Variants in CDH10 observed in about 807,000 individuals in gnomAD.
The protein encoded by CDH10 is cadherin 10, also known as cadherin-10.
CDH10 carries 30 observed loss-of-function variants against 73.1 expected under a neutral mutation model. The observed-to-expected ratio is 0.41, with a 90% CI of 0.31 to 0.56. CDH10 has a LOEUF of 0.56. Ranked by LOEUF, CDH10 falls within the 20% of genes least tolerant of loss-of-function variation. The pLI is 0.27. For synonymous variants in CDH10, 345 were observed against 348.2 expected (o/e 0.99, Z 0.10); for missense variants, 815 against 973.7 (o/e 0.84, Z 2.17).
At chr5:24,620,957 C>T (rs1441618314) in intron 1 of CDH10, among the ~76,000 whole-genome samples, 3 of 152,178 alleles carry the variant, frequency 2.0e-5, no homozygotes, top group Non-Finnish European at 4.4e-5. Context: ...CAAGGTCTAA[C>T]TGCCAGCATA....
intron 5 of CDH10, among the ~76,000 whole-genome samples, chr5:24,518,964 C>A (rs1046980370): frequency 2.1e-5 from 3 of 140,518 alleles, no homozygotes; most frequent in African/African-American, 8.0e-5. Flanking sequence ...GATCTTGGCT[C>A]ACTGCAACCT....
intron 2 of CDH10, among the ~76,000 whole-genome samples, chr5:24,560,573 C>A (rs1426686620): frequency 6.6e-6 from 1 of 151,742 alleles, no homozygotes; most frequent in African/African-American, 2.4e-5. Flanking sequence ...ATATTTATTA[C>A]CTAATTTTGA....
In CDH10 at chr5:24,604,914, CAAAA is replaced by C. The variant is rs200670805; in HGVS notation, c.-123-11305_-123-11302del. Among the ~76,000 whole-genome samples, 403 of 134,524 alleles carry C rather than the reference CAAAA, an allele frequency of 3.0e-3. 3 individuals are homozygous for C. Among genetic ancestry groups the C allele is most frequent in the African/African-American group, 0.012 (374 of 31,486 alleles). The allele number at this position is 134,524 out of a possible 152,430, so 88.3% of individuals were successfully genotyped here. A position where few individuals can be genotyped will look rare whatever the true frequency, so the allele number is the denominator to read the frequency against. On this transcript the variant is annotated intron_variant, in intron 1 of 11. Transcript: ENST00000264463. ...AAAAAAACAAAAACAAACAAACAAA[CAAAA>C]GAAAGTCAAAAACTCTTAGAAAATA...
At chr5:24,537,279 A>C (rs1431247967) in intron 3 of CDH10, 101 bp downstream of exon 3, 1 of 789,070 alleles carries the variant, frequency 1.3e-6, no homozygotes, top group African/African-American at 1.8e-5. Flanking sequence ...CATGGTAGCA[A>C]ATCAAAGAGG....
intron 6 of CDH10, 122 bp downstream of exon 6, chr5:24,511,205 T>A (rs1298064340): frequency 1.4e-6 from 1 of 705,700 alleles, no homozygotes; most frequent in African/African-American, 1.8e-5. Context: ...ATGCACAGTA[T>A]AAATTACATT....
rs540358172 is a variant in CDH10, at chr5:24,515,537, T to C, written c.815-4023A>G. Among the ~76,000 whole-genome samples the C allele has an allele frequency of 1.1e-4, 16 of 152,336 alleles. No homozygotes were observed. The South Asian group carries it at 3.3e-3, about 32-fold the overall frequency. ...AAATGTTTCCGTTTACAATCACTTA[T>C]GTAAAGTTTAGTTTATTACAAACAC... On this transcript the variant is annotated intron_variant, in intron 5 of 11. Transcript: ENST00000264463.
intron 2 of CDH10, among the ~76,000 whole-genome samples, chr5:24,543,658 T>G (rs2111920605): frequency 6.6e-6 from 1 of 152,006 alleles, no homozygotes; most frequent in African/African-American, 2.4e-5. Context: ...AAATGGAAAA[T>G]AAAACACTGA....
chr5:24,636,321 C>T (rs1197860848), intron 1 of CDH10, among the ~76,000 whole-genome samples: 2 of 151,890 alleles, frequency 1.3e-5, no homozygotes, highest in African/African-American at 4.8e-5. Flanking sequence ...TCTGGTGCCA[C>T]GATCCATGCT....
At chr5:24,615,249 A>G (rs2112154476) in intron 1 of CDH10, among the ~76,000 whole-genome samples, 1 of 152,192 alleles carries the variant, frequency 6.6e-6, no homozygotes, top group South Asian at 2.1e-4. Flanking sequence ...TTGCATGGAA[A>G]TCTCTTCTGC....
intron 1 of CDH10, among the ~76,000 whole-genome samples, chr5:24,632,672 T>C (rs1390628728): frequency 6.6e-6 from 1 of 152,000 alleles, no homozygotes; most frequent in Admixed American, 6.6e-5. Flanking sequence ...TGGACAACCA[T>C]AGCTTTAACA....
intron 2 of CDH10, among the ~76,000 whole-genome samples, chr5:24,556,664 T>C (rs376950723): frequency 6.6e-6 from 1 of 151,776 alleles, no homozygotes; most frequent in African/African-American, 2.4e-5. Flanking sequence ...AAACTAACCA[T>C]TAAATAGTTA....
In CDH10 at chr5:24,554,119, G is replaced by GGAGAGAGAGAGAGAGA. The variant is rs71605680; in HGVS notation, c.232-16446_232-16445insTCTCTCTCTCTCTCTC. On this transcript the variant is annotated intron_variant, in intron 2 of 11. Coordinates refer to ENST00000264463, the MANE Select transcript of CDH10 (RefSeq NM_006727.5). Reference sequence around the variant, plus strand: ...AGAGAAGGGGAGGTGGGCGGGGGGGGGAGAGAGAGAGACATTCAATCAGCC... The same window carrying GGAGAGAGAGAGAGAGA: ...AGAGAAGGGGAGGTGGGCGGGGGGGGGAGAGAGAGAGAGAGAGAGAGAGAGAGACATTCAATCAGCC... 9 of 39,772 alleles carry GGAGAGAGAGAGAGAGA rather than the reference G, an allele frequency of 2.3e-4. 2 individuals are homozygous for GGAGAGAGAGAGAGAGA. Among genetic ancestry groups the GGAGAGAGAGAGAGAGA allele is most frequent in the East Asian group, 1.3e-3 (1 of 750 alleles). The allele number at this position is 39,772 out of a possible 1,614,324, so 2.5% of individuals were successfully genotyped here.
chr5:24,617,488 G>C (rs188390417), intron 1 of CDH10, among the ~76,000 whole-genome samples: 22 of 152,212 alleles, frequency 1.4e-4, no homozygotes, highest in East Asian at 9.7e-4. Context: ...GATAAAATTA[G>C]TTGACTATTT....
rs531229198 is a variant in CDH10 at position 24,531,218 on chromosome 5, C to G, written c.814+3894G>C. On this transcript the variant is annotated intron_variant, in intron 5 of 11. Coordinates refer to ENST00000264463, the MANE Select transcript of CDH10 (RefSeq NM_006727.5). Reference sequence around the variant, plus strand: ...ATTAGCCTTCCCCCTTCCCCAGTCACCAAATCCTGCTTACATTGGAATTGT... The same window carrying G: ...ATTAGCCTTCCCCCTTCCCCAGTCAGCAAATCCTGCTTACATTGGAATTGT... 1.1e-4 allele frequency among the ~76,000 whole-genome samples: 16 copies of G among 152,162 alleles called. No individual in the cohort carries two copies. The South Asian group carries it at 3.1e-3, about 30-fold the overall frequency.
chr5:24,545,502 C>T (rs1325384079), intron 2 of CDH10, among the ~76,000 whole-genome samples: 2 of 152,046 alleles, frequency 1.3e-5, no homozygotes, highest in East Asian at 3.9e-4. Flanking sequence ...CAGGTGAGGG[C>T]TCAGTGTAAG....
intron 1 of CDH10, among the ~76,000 whole-genome samples, chr5:24,630,648 T>C (rs1483582341): frequency 6.6e-6 from 1 of 150,596 alleles, no homozygotes; most frequent in East Asian, 1.9e-4. Context: ...GAGGGCAGAC[T>C]GATCAATAGA....
intron 1 of CDH10, among the ~76,000 whole-genome samples, chr5:24,608,062 G>T (rs575684171): frequency 6.6e-6 from 1 of 152,006 alleles, no homozygotes; most frequent in Non-Finnish European, 1.5e-5. Context: ...AAAAACACTA[G>T]TGTATGTAAG....
chr5:24,505,903 C>A (rs532817148), intron 7 of CDH10, among the ~76,000 whole-genome samples: 2 of 152,244 alleles, frequency 1.3e-5, no homozygotes, highest in South Asian at 4.1e-4. Flanking sequence ...ATCATGAGGT[C>A]AGGAGTTCAA....
rs145879937 is a variant in CDH10, at chr5:24,503,941, G to A, written c.1393+1171C>T. 2.0e-3 allele frequency among the ~76,000 whole-genome samples: 309 copies of A among 152,194 alleles called. 5 individuals carry two copies. The highest frequency in any genetic ancestry group is 7.1e-3 in the African/African-American group (293 of 41,514). ...TTCATAAGATTAAATGGTATCATAT[G>A]CAACCAGCATTTAGCATAGATCCTA... On this transcript the variant is annotated intron_variant, in intron 8 of 11. Coordinates refer to ENST00000264463, the MANE Select transcript of CDH10 (RefSeq NM_006727.5).
Sources: gnomAD v4.1 joint callset for allele counts (sites outside exome capture counted in the v4.1 genomes callset) on GRCh38, gnomAD v4.1.1 for gene constraint, MANE v1.5 for transcripts, NCBI Gene and HGNC (gene_info 2026-07-23, HGNC 2026-07-21) for gene names.